Variants in ERCC3 observed in about 807,000 individuals in gnomAD.
The protein encoded by ERCC3 is general transcription and DNA repair factor IIH helicase/translocase subunit XPB.
A neutral mutation model predicts 94.2 loss-of-function variants in ERCC3; 66 were observed. That is an observed-to-expected ratio of 0.70 (90% confidence interval 0.57 to 0.86). The LOEUF is 0.86. Ranked by LOEUF, ERCC3 falls within the 40% of genes least tolerant of loss-of-function variation. ERCC3 has a pLI of 0.00. For synonymous variants in ERCC3, 349 were observed against 369.1 expected (o/e 0.95, Z 0.63); for missense variants, 829 against 987.1 (o/e 0.84, Z 2.15).
intron 12 of ERCC3, among the ~76,000 whole-genome samples, chr2:127,267,656 G>T (rs950514301): frequency 1.3e-5 from 2 of 152,126 alleles, no homozygotes; most frequent in African/African-American, 4.8e-5. Flanking sequence ...TCATTAGCTG[G>T]TTGCTCTGTA....
At position 127,280,178 on chromosome 2, in the gene ERCC3, C is replaced by A. The variant is rs4150458; in HGVS notation, c.1527+269G>T. Among the ~76,000 whole-genome samples the A allele has an allele frequency of 0.015, 2,223 of 152,298 alleles. 61 individuals are homozygous for A. The highest frequency in any genetic ancestry group is 0.05 in the African/African-American group (2,072 of 41,554). On this transcript the variant is annotated intron_variant, in intron 9 of 14. Coordinates refer to ENST00000285398, the MANE Select transcript of ERCC3 (RefSeq NM_000122.2). The surrounding 1 kb of genome is among the most constrained non-coding windows in gnomAD (Gnocchi z 6.3). ...CCTGTGCCCTGAATGCTAATCCTCA[C>A]CCACAGAAATCCATGACTGGTAAAC...
intron 6 of ERCC3, 21 bp from the exon 7 acceptor site, chr2:127,288,885 G>A (rs201542681): frequency 1.5e-4 from 245 of 1,597,152 alleles, no homozygotes; most frequent in Admixed American, 2.0e-4. Context: ...GGCACAAAAG[G>A]GGTTTTAAAA....
At chr2:127,269,471 G>C (rs2104745007) in intron 12 of ERCC3, among the ~76,000 whole-genome samples, 1 of 147,138 alleles carries the variant, frequency 6.8e-6, no homozygotes, top group East Asian at 2.0e-4. Flanking sequence ...GCCCAGGCTG[G>C]AATGCAGTGG....
chr2:127,268,378 C>A (rs761319591), intron 12 of ERCC3, among the ~76,000 whole-genome samples: 11 of 152,156 alleles, frequency 7.2e-5, no homozygotes, highest in Non-Finnish European at 1.0e-4. Context: ...CTTGCCTCAG[C>A]CTCCGGAGTG....
chr2:127,288,552 C>T, intron 7 of ERCC3, 108 bp downstream of exon 7: 2 of 1,009,824 alleles, frequency 2.0e-6, no homozygotes, highest in Non-Finnish European at 3.2e-6. Flanking sequence ...CTGATCTTGG[C>T]TTTTCAGCAA....
At chr2:127,270,913 T>C (rs897651093) in intron 12 of ERCC3, among the ~76,000 whole-genome samples, 3 of 152,212 alleles carry the variant, frequency 2.0e-5, no homozygotes. Context: ...GACGTGCCCA[T>C]TGTGTGTCTG....
chr2:127,293,446 G>T, intron 2 of ERCC3, 67 bp downstream of exon 2: 1 of 1,424,088 alleles, frequency 7.0e-7, no homozygotes. Flanking sequence ...TTGACTCTGA[G>T]GATGCCCAAG....
rs1685213838 is a variant in ERCC3, at chr2:127,290,035, A to T, written c.521+189T>A. 3.9e-6 allele frequency: 3 copies of T among 762,728 alleles called. 1 individual carries two copies. The South Asian group carries it at 5.0e-5, about 13-fold the overall frequency. 47.2% of individuals were successfully genotyped at this position (762,728 alleles called of 1,614,324 possible). On this transcript the variant is annotated intron_variant, in intron 4 of 14. Coordinates refer to ENST00000285398, the MANE Select transcript of ERCC3 (RefSeq NM_000122.2). ...TAGGCAGGGGCCTGAGCCCAGCTCC[A>T]CTGCTAGAGGAAATACAGTGGCCAG...
chr2:127,268,254 T>G (rs1285867719), intron 12 of ERCC3, among the ~76,000 whole-genome samples: 1 of 150,650 alleles, frequency 6.6e-6, no homozygotes, highest in African/African-American at 2.4e-5. Flanking sequence ...GCGCCTGGCC[T>G]GTTTTTTTGT....
At chr2:127,278,803 C>T (rs1395606560) in intron 10 of ERCC3, among the ~76,000 whole-genome samples, 1 of 152,218 alleles carries the variant, frequency 6.6e-6, no homozygotes, top group Admixed American at 6.5e-5. Context: ...CTTCCCAGCC[C>T]CTAGGCCATC....
At position 127,277,222 on chromosome 2, in the gene ERCC3, G is replaced by A. The variant is rs1011783508; in HGVS notation, c.1730+1951C>T. 3.2e-4 allele frequency among the ~76,000 whole-genome samples: 49 copies of A among 152,232 alleles called. No individual in the cohort carries two copies. Among genetic ancestry groups the A allele is most frequent in the African/African-American group, 1.1e-3 (47 of 41,534 alleles). On this transcript the variant is annotated intron_variant, in intron 10 of 14. Coordinates refer to ENST00000285398, the MANE Select transcript of ERCC3 (RefSeq NM_000122.2). The surrounding 1 kb of genome is among the most constrained non-coding windows in gnomAD (Gnocchi z 5.1). ...CCAGAACAGAGTAAGCGAATGGAGT[G>A]CTGGTGGGGATCCCACTGGGGAAAC...
chr2:127,271,312 A>G lies in ERCC3; in HGVS notation c.1945+24T>C, dbSNP rs1684541777. On this transcript the variant is annotated intron_variant, in intron 12 of 14. Coordinates refer to ENST00000285398, the MANE Select transcript of ERCC3 (RefSeq NM_000122.2). This position sits in a 1 kb window ranked among gnomAD's most constrained non-coding sequence, Gnocchi z 5.0. ...GGTTTAAGAGGAGTGACCTCCTGCA[A>G]CAGAAGATGAAAGGCCACTTTACCT... is the stretch of plus-strand genomic sequence containing the variant. 1 of 1,517,122 alleles carries G rather than the reference A, an allele frequency of 6.6e-7. No individual in the cohort carries two copies. The highest frequency in any genetic ancestry group is 9.2e-7 in the Non-Finnish European group (1 of 1,091,672). 94.0% of individuals were successfully genotyped at this position (1,517,122 alleles called of 1,614,324 possible). A position where few individuals can be genotyped will look rare whatever the true frequency, so the allele number is the denominator to read the frequency against.
chr2:127,269,333 A>C (rs988607829), intron 12 of ERCC3, among the ~76,000 whole-genome samples: 14 of 152,270 alleles, frequency 9.2e-5, no homozygotes, highest in Admixed American at 3.3e-4. Flanking sequence ...TTGTTTCTCA[A>C]ATCTTACAAG....
In ERCC3 at chr2:127,274,254, G is replaced by A. The variant is rs1368714900; in HGVS notation, c.1731-1293C>T. 1.3e-5 allele frequency among the ~76,000 whole-genome samples: 2 copies of A among 151,350 alleles called. No homozygotes were observed. Among genetic ancestry groups the A allele is most frequent in the Non-Finnish European group, 2.9e-5 (2 of 67,944 alleles). ...CACTTGAACCTGGGAGGCAGAGGTT[G>A]CAGTGAGCCAAGATCACACCACTTC... On this transcript the variant is annotated intron_variant, in intron 10 of 14. Coordinates refer to ENST00000285398, the MANE Select transcript of ERCC3 (RefSeq NM_000122.2). The surrounding 1 kb of genome is among the most constrained non-coding windows in gnomAD (Gnocchi z 4.0).
intron 12 of ERCC3, among the ~76,000 whole-genome samples, chr2:127,270,018 C>CTCAATCAATCAATCAA (rs5834172): frequency 6.0e-5 from 9 of 150,374 alleles, no homozygotes; most frequent in Non-Finnish European, 1.3e-4. Flanking sequence ...AAGACTCTAT[C>CTCAATCAATCAATCAA]TCAATCAATC....
In ERCC3 at chr2:127,280,378, C is replaced by CA. The variant is rs1320954562; in HGVS notation, c.1527+68_1527+69insT. 2 of 1,384,740 alleles carry CA rather than the reference C, an allele frequency of 1.4e-6. No homozygotes were observed. The highest frequency in any genetic ancestry group is 1.9e-5 in the Admixed American group (1 of 51,870). The allele number at this position is 1,384,740 out of a possible 1,614,324, so 85.8% of individuals were successfully genotyped here. A position where few individuals can be genotyped will look rare whatever the true frequency, so the allele number is the denominator to read the frequency against. ...TGACCTGTGTCTGCCCATGAGGAATCGATCTGATCACTCCCCTGCCCATAG... is the reference window on the plus strand; with the variant it reads ...TGACCTGTGTCTGCCCATGAGGAATCAGATCTGATCACTCCCCTGCCCATAG... On this transcript the variant is annotated intron_variant, in intron 9 of 14. Transcript: ENST00000285398. This position sits in a 1 kb window ranked among gnomAD's most constrained non-coding sequence, Gnocchi z 6.3.
chr2:127,270,197 T>C (rs190415259), intron 12 of ERCC3, among the ~76,000 whole-genome samples: 4 of 150,384 alleles, frequency 2.7e-5, no homozygotes, highest in East Asian at 1.9e-4. Context: ...CCAGCTAGTT[T>C]TATTTTTTGT....
rs114508982 is a variant in ERCC3 at position 127,259,407 on chromosome 2, C to T, written c.2106G>A (p.Ala702=). The T allele has an allele frequency of 5.1e-5, 82 of 1,614,204 alleles. No homozygotes were observed. The East Asian group carries it at 1.1e-3, about 21-fold the overall frequency. The change falls in exon 14 of 15, where the codon GCG becomes GCA. Residue 702 remains alanine (A), a synonymous_variant. Transcript: ENST00000285398. The surrounding 1 kb of genome is among the most constrained non-coding windows in gnomAD (Gnocchi z 4.9). The stretch of plus-strand genomic sequence containing the variant: ...GCTGTTGCTCTTCTTTTGTCGAAAA[C>T]GCCAAGTCTTCCTCCTCCATGCCAG... ...KLAGMEEEDL[A]FSTKEEQQQL...
rs921068974 is a variant in ERCC3, at chr2:127,274,937, G to A, written c.1731-1976C>T. 2.6e-5 allele frequency among the ~76,000 whole-genome samples: 4 copies of A among 152,206 alleles called. No homozygotes were observed. The highest frequency in any genetic ancestry group is 4.8e-5 in the African/African-American group (2 of 41,450). On this transcript the variant is annotated intron_variant, in intron 10 of 14. Coordinates refer to ENST00000285398, the MANE Select transcript of ERCC3 (RefSeq NM_000122.2). The surrounding 1 kb of genome is among the most constrained non-coding windows in gnomAD (Gnocchi z 4.0). ...CACCATCAAGGGACACCAGGACCCA[G>A]TACACATTGGGTGGCAGTAGCTCCA...
Sources: gnomAD v4.1 joint callset for allele counts (sites outside exome capture counted in the v4.1 genomes callset) on GRCh38, gnomAD v4.1.1 for gene constraint, Gnocchi (gnomAD v3.1) non-coding constraint, MANE v1.5 for transcripts, NCBI Gene and HGNC (gene_info 2026-07-23, HGNC 2026-07-21) for gene names.